Variants in PCA3 observed in about 807,000 individuals in gnomAD.
The protein encoded by PCA3 is prostate cancer associated 3.
In PCA3 at chr9:76,767,711, G is replaced by A. The variant is rs189490504; in HGVS notation, n.852+31096G>A. 3.1e-3 allele frequency among the ~76,000 whole-genome samples: 476 copies of A among 151,974 alleles called. 6 individuals carry two copies. The highest frequency in any genetic ancestry group is 7.4e-4 in the Non-Finnish European group (50 of 68,000). ...ACCCTATTTTGTTTTAATACATATC[G>A]TGCATCTCTCGTGAATCTTTAAATG... On this transcript the variant is annotated intron_variant and non_coding_transcript_variant, in intron 2 of 5. Transcript: ENST00000644657.
intron 2 of PCA3, among the ~76,000 whole-genome samples, chr9:76,772,033 G>A (rs1264951947): frequency 6.6e-6 from 1 of 152,168 alleles, no homozygotes; most frequent in African/African-American, 2.4e-5. Flanking sequence ...AGAGTATGTG[G>A]CTCCACACAA....
At chr9:76,772,675 C>T (rs752312786) in intron 2 of PCA3, among the ~76,000 whole-genome samples, 1 of 152,072 alleles carries the variant, frequency 6.6e-6, no homozygotes, top group South Asian at 2.1e-4. Context: ...GCAATCCACC[C>T]ACCTCAGCCT....
intron 2 of PCA3, among the ~76,000 whole-genome samples, chr9:76,776,947 A>ACACAC (rs1564280253): frequency 3.7e-5 from 4 of 108,426 alleles, no homozygotes; most frequent in Non-Finnish European, 8.4e-5. Context: ...CACACACACA[A>ACACAC]AGGGCCTGGA....
At chr9:76,769,500 G>A (rs1169545045) in intron 2 of PCA3, among the ~76,000 whole-genome samples, 5 of 152,022 alleles carry the variant, frequency 3.3e-5, no homozygotes, top group East Asian at 3.9e-4. Context: ...TCGGCTCGTC[G>A]TCGCAACCTC....
Position 76,773,356 on chromosome 9 carries a change from G to A in PCA3, n.853-35227G>A, listed in dbSNP as rs551968083. 1.8e-4 allele frequency among the ~76,000 whole-genome samples: 28 copies of A among 152,002 alleles called. 2 individuals carry two copies. The South Asian group carries it at 3.5e-3, about 19-fold the overall frequency. On this transcript the variant is annotated intron_variant and non_coding_transcript_variant, in intron 2 of 5. Transcript: ENST00000644657. ...ATGGGAAGAAAGGTTGATTTATAGCGGACAATCTTTTCTTTATTCATGTTA... is the reference window on the plus strand; with the variant it reads ...ATGGGAAGAAAGGTTGATTTATAGCAGACAATCTTTTCTTTATTCATGTTA...
At chr9:76,776,340 C>A (rs2053738501) in intron 2 of PCA3, among the ~76,000 whole-genome samples, 1 of 151,526 alleles carries the variant, frequency 6.6e-6, no homozygotes, top group Admixed American at 6.5e-5. Flanking sequence ...TCTCTGTGTC[C>A]ATGTGTACAC....
chr9:76,786,299 G>A (rs1220781506), intron 2 of PCA3: 2 of 152,178 alleles, frequency 1.3e-5, no homozygotes, highest in African/African-American at 4.8e-5. Context: ...AGAACTCTGA[G>A]TGATATCAAC....
At chr9:76,781,937 G>A (rs550536341) in intron 2 of PCA3, among the ~76,000 whole-genome samples, 9 of 152,286 alleles carry the variant, frequency 5.9e-5, no homozygotes, top group Admixed American at 1.3e-4. Context: ...AAGCCTGGCC[G>A]GGCGCGGTGG....
intron 2 of PCA3, among the ~76,000 whole-genome samples, chr9:76,767,821 A>G (rs1292871679): frequency 6.6e-6 from 1 of 152,120 alleles, no homozygotes; most frequent in Non-Finnish European, 1.5e-5. Flanking sequence ...CTTCTATCCG[A>G]ACACTGTCCT....
At chr9:76,766,715 G>A (rs1436553351) in intron 2 of PCA3, among the ~76,000 whole-genome samples, 1 of 151,852 alleles carries the variant, frequency 6.6e-6, no homozygotes, top group Non-Finnish European at 1.5e-5. Flanking sequence ...CCTGCTTTAG[G>A]GCCTTAGGAT....
At chr9:76,780,371 C>T (rs2054238662) in intron 2 of PCA3, among the ~76,000 whole-genome samples, 1 of 151,986 alleles carries the variant, frequency 6.6e-6, no homozygotes, top group African/African-American at 2.4e-5. Flanking sequence ...TTAGTCTGGC[C>T]ACCTGTATCC....
intron 2 of PCA3, among the ~76,000 whole-genome samples, chr9:76,773,438 CTTTTT>C (rs35078779): frequency 1.9e-5 from 2 of 107,582 alleles, no homozygotes; most frequent in African/African-American, 7.2e-5. Flanking sequence ...ACTAGTACAT[CTTTTT>C]TTTTTTTTTT....
intron 2 of PCA3, among the ~76,000 whole-genome samples, chr9:76,766,174 C>G (rs1276735663): frequency 7.2e-6 from 1 of 137,940 alleles, no homozygotes; most frequent in Non-Finnish European, 1.6e-5. Flanking sequence ...CAGAGCAAGA[C>G]TCTGCCTCAA....
intron 2 of PCA3, among the ~76,000 whole-genome samples, chr9:76,777,966 C>T (rs1422187733): frequency 6.6e-6 from 1 of 152,108 alleles, no homozygotes; most frequent in African/African-American, 2.4e-5. Context: ...AGGAAGACAG[C>T]ATGTCTATAG....
chr9:76,767,146 G>A (rs2052493922), intron 2 of PCA3, among the ~76,000 whole-genome samples: 1 of 152,076 alleles, frequency 6.6e-6, no homozygotes, highest in South Asian at 2.1e-4. Flanking sequence ...CAGTCACCAA[G>A]GACCTATTCA....
chr9:76,767,715 A>G (rs914989243), intron 2 of PCA3, among the ~76,000 whole-genome samples: 1 of 152,078 alleles, frequency 6.6e-6, no homozygotes, highest in Non-Finnish European at 1.5e-5. Flanking sequence ...CATATCGTGC[A>G]TCTCTCGTGA....
intron 2 of PCA3, among the ~76,000 whole-genome samples, chr9:76,768,383 G>A (rs2052668461): frequency 6.6e-6 from 1 of 151,936 alleles, no homozygotes; most frequent in Non-Finnish European, 1.5e-5. Context: ...AGTAGTGACG[G>A]GGGTTCACCA....
At chr9:76,784,527 A>G (rs2054769464) in intron 2 of PCA3, 1 of 152,188 alleles carries the variant, frequency 6.6e-6, no homozygotes, top group Non-Finnish European at 1.5e-5. Flanking sequence ...GTAATATCTG[A>G]TCTCTACGGT....
At chr9:76,771,444 A>G (rs1323990477) in intron 2 of PCA3, among the ~76,000 whole-genome samples, 1 of 152,206 alleles carries the variant, frequency 6.6e-6, no homozygotes, top group East Asian at 1.9e-4. Context: ...AGAAAGAGCT[A>G]TGAAGCAGAG....
Sources: gnomAD v4.1 joint callset for allele counts (sites outside exome capture counted in the v4.1 genomes callset) on GRCh38, gnomAD v4.1.1 for gene constraint, MANE v1.5 for transcripts, NCBI Gene and HGNC (gene_info 2026-07-23, HGNC 2026-07-21) for gene names.